The following ABLIM1 variants were observed in gnomAD, a reference collection of about 807,000 sequenced individuals.
The protein encoded by ABLIM1 is actin binding LIM protein 1, also known as actin-binding LIM protein 1.
Under a neutral mutation model 107.0 loss-of-function variants are expected in ABLIM1, and 40 were observed. The ratio of observed to expected loss-of-function variants is 0.37; its 90% CI spans 0.29 to 0.49. The LOEUF (loss-of-function observed/expected upper bound fraction) is 0.49, where lower values mean the gene tolerates loss of function less well. ABLIM1 is among the 20% of genes least tolerant of loss of function. The pLI, the probability that ABLIM1 is intolerant of heterozygous loss-of-function variation, is 0.97. For synonymous variants in ABLIM1, 357 were observed against 357.3 expected, an observed-to-expected ratio of 1.00 and a Z score of 0.01; for missense variants, 857 against 1,008.5, an observed-to-expected ratio of 0.85 and a Z score of 2.04.
chr10:114,442,992 C>T (rs928553776), intron 17 of ABLIM1, among the ~76,000 whole-genome samples: 10 of 152,094 alleles, frequency 6.6e-5, no homozygotes, highest in African/African-American at 2.2e-4. Flanking sequence ...GAGCCCGCCA[C>T]CACACCTGGC....
chr10:114,642,757 G>A (rs994779589), intron 1 of ABLIM1, among the ~76,000 whole-genome samples: 4 of 152,064 alleles, frequency 2.6e-5, no homozygotes, highest in Non-Finnish European at 4.4e-5. Context: ...CTAAGGCTTC[G>A]AACTCCAAAA....
chr10:114,525,368 A>G (rs1292114205), intron 6 of ABLIM1, among the ~76,000 whole-genome samples: 6 of 152,240 alleles, frequency 3.9e-5, no homozygotes, highest in Non-Finnish European at 8.8e-5. Flanking sequence ...TTGTCAGGAT[A>G]TAATATTCCC....
intron 6 of ABLIM1, among the ~76,000 whole-genome samples, chr10:114,523,352 G>A (rs962024365): frequency 2.0e-5 from 3 of 152,044 alleles, no homozygotes; most frequent in Non-Finnish European, 2.9e-5. Context: ...AACCAGGTAG[G>A]TTCTCTGGGC....
intron 6 of ABLIM1, among the ~76,000 whole-genome samples, chr10:114,521,911 G>T (rs1398605078): frequency 2.0e-5 from 3 of 152,208 alleles, no homozygotes; most frequent in African/African-American, 7.2e-5. Flanking sequence ...AACCAGGGGA[G>T]AGAAGATGGC....
At chr10:114,502,185 T>C (rs1035594316) in intron 6 of ABLIM1, 2 of 172,936 alleles carry the variant, frequency 1.2e-5, no homozygotes, top group South Asian at 1.4e-4. Flanking sequence ...TGAAACATCA[T>C]CCTCTCATTA....
intron 14 of ABLIM1, among the ~76,000 whole-genome samples, chr10:114,450,553 A>G (rs374827793): frequency 6.7e-6 from 1 of 148,638 alleles, no homozygotes; most frequent in African/African-American, 2.5e-5. Context: ...CTCCTGCCTC[A>G]GCCTCCCATG....
intron 1 of ABLIM1, among the ~76,000 whole-genome samples, chr10:114,682,907 T>A (rs60251573): frequency 6.6e-6 from 1 of 152,172 alleles, no homozygotes; most frequent in East Asian, 1.9e-4. Context: ...AAAGCCAAAC[T>A]AAAATCCACT....
Position 114,690,119 on chromosome 10 carries a change from G to A in ABLIM1, c.-213+77942C>T, listed in dbSNP as rs577834699. 2.8e-5 allele frequency: 35 copies of A among 1,243,304 alleles called. No individual in the cohort carries two copies. The East Asian group carries it at 7.4e-4, about 26-fold the overall frequency. 77.0% of individuals were successfully genotyped at this position (1,243,304 alleles called of 1,614,324 possible). A position where few individuals can be genotyped will look rare whatever the true frequency, so the allele number is the denominator to read the frequency against. On this transcript the variant is annotated intron_variant, in intron 1 of 15. Transcript: ENST00000651092. ...GAGCTACAAAAGGAAGGGTCTGGTG[G>A]TTAAGATAAAACACAAGTCAAACTT...
chr10:114,654,582 T>C (rs982274987), intron 1 of ABLIM1, among the ~76,000 whole-genome samples: 1 of 152,128 alleles, frequency 6.6e-6, no homozygotes, highest in Non-Finnish European at 1.5e-5. Context: ...AAGTAGCTGG[T>C]ACTATAGGCC....
intron 1 of ABLIM1, among the ~76,000 whole-genome samples, chr10:114,709,396 T>C (rs114040320): frequency 0.011 from 1,647 of 152,330 alleles, 42 homozygotes; most frequent in African/African-American, 0.037. Context: ...AATCTTGTTT[T>C]CATCAACATA....
chr10:114,639,513 C>T (rs2078639302), intron 1 of ABLIM1, among the ~76,000 whole-genome samples: 1 of 152,180 alleles, frequency 6.6e-6, no homozygotes, highest in African/African-American at 2.4e-5. Context: ...TCTAGCTCCA[C>T]CACATGCTGA....
At chr10:114,738,093 G>C (rs1011357011) in intron 1 of ABLIM1, among the ~76,000 whole-genome samples, 2 of 152,186 alleles carry the variant, frequency 1.3e-5, no homozygotes, top group African/African-American at 2.4e-5. Flanking sequence ...CTGTCGCCCA[G>C]ACTGGAGTGC....
chr10:114,798,716 G>T, the ABLIM1 span, among the ~76,000 whole-genome samples: 1 of 152,166 alleles, frequency 6.6e-6, no homozygotes, highest in African/African-American at 2.4e-5. Context: ...ACTCCAGCCT[G>T]GGTGACAAAG....
intron 4 of ABLIM1, among the ~76,000 whole-genome samples, chr10:114,555,983 A>G (rs911214570): frequency 2.6e-5 from 4 of 152,226 alleles, no homozygotes; most frequent in African/African-American, 9.6e-5. Context: ...AGAAAGTGGA[A>G]TAAGACTTTG....
intron 6 of ABLIM1, among the ~76,000 whole-genome samples, chr10:114,541,534 C>A (rs1443742528): frequency 6.6e-6 from 1 of 151,964 alleles, no homozygotes. Flanking sequence ...CCAAGCCAAA[C>A]CGACTCACAA....
At chr10:114,552,118 A>T (rs1203569191) in intron 4 of ABLIM1, among the ~76,000 whole-genome samples, 1 of 152,158 alleles carries the variant, frequency 6.6e-6, no homozygotes, top group Non-Finnish European at 1.5e-5. Context: ...ATTCTGGTAT[A>T]TTTCACAGAG....
At chr10:114,709,363 G>A (rs945285968) in intron 1 of ABLIM1, among the ~76,000 whole-genome samples, 1 of 152,200 alleles carries the variant, frequency 6.6e-6, no homozygotes, top group African/African-American at 2.4e-5. Flanking sequence ...CCAGCCATCA[G>A]ACCTGTAATA....
Position 114,434,280 on chromosome 10 carries a change from A to AACACACACACACACACACACAC in ABLIM1, c.*1958_*1979dup, listed in dbSNP as rs58418721. Reference sequence around the variant, plus strand: ...ATTTGCTAAACATGTTAGTAGATCCAACACACACACACACACACACACACA... The same window carrying AACACACACACACACACACACAC: ...ATTTGCTAAACATGTTAGTAGATCCAACACACACACACACACACACACACACACACACACACACACACACACA... On this transcript the variant is annotated 3_prime_UTR_variant, in exon 23 of 23. Coordinates refer to ENST00000533213, the MANE Select transcript of ABLIM1 (RefSeq NM_002313.7). The AACACACACACACACACACACAC allele has an allele frequency of 7.2e-6, 1 of 138,806 alleles. No individual in the cohort carries two copies. The highest frequency in any genetic ancestry group is 1.5e-5 in the Non-Finnish European group (1 of 64,930). 8.6% of individuals were successfully genotyped at this position (138,806 alleles called of 1,614,324 possible).
intron 6 of ABLIM1, among the ~76,000 whole-genome samples, chr10:114,531,987 G>T (rs145171441): frequency 2.8e-3 from 431 of 152,206 alleles, no homozygotes; most frequent in Non-Finnish European, 5.2e-3. Context: ...GCTAATTTTT[G>T]TATTTTTAGT....
Sources: gnomAD v4.1 joint callset for allele counts (sites outside exome capture counted in the v4.1 genomes callset) on GRCh38, gnomAD v4.1.1 for gene constraint, MANE v1.5 for transcripts, NCBI Gene and HGNC (gene_info 2026-07-23, HGNC 2026-07-21) for gene names.